The following CACNA1B variants were observed in gnomAD, a reference collection of about 807,000 sequenced individuals.
The protein encoded by CACNA1B is voltage-dependent N-type calcium channel subunit alpha-1B.
Under a neutral mutation model 247.2 loss-of-function variants are expected in CACNA1B, and 70 were observed. That is an observed-to-expected ratio of 0.28 (90% confidence interval 0.23 to 0.35). The LOEUF is 0.35. Ranked by LOEUF, CACNA1B falls within the 10% of genes least tolerant of loss-of-function variation. The pLI, the probability that CACNA1B is intolerant of heterozygous loss-of-function variation, is 1.00. For missense variants in CACNA1B, 2,367 were observed against 3,197.4 expected (o/e 0.74, Z 6.26); for synonymous variants, 1,231 against 1,294.4 (o/e 0.95, Z 1.05).
intron 39 of CACNA1B, among the ~76,000 whole-genome samples, chr9:138,112,107 C>A (rs548481305): frequency 7.3e-6 from 1 of 136,238 alleles, no homozygotes; most frequent in African/African-American, 2.6e-5. Flanking sequence ...CATGCACACA[C>A]GAACGTGCAG....
At chr9:138,074,176 G>A in intron 34 of CACNA1B, 110 bp downstream of exon 34, 1 of 816,722 alleles carries the variant, frequency 1.2e-6, no homozygotes, top group Non-Finnish European at 2.1e-6. Context: ...GATCCTTAGT[G>A]AACATTCTCT....
intron 3 of CACNA1B, among the ~76,000 whole-genome samples, chr9:137,908,735 A>G (rs751689705): frequency 4.0e-5 from 6 of 151,218 alleles, no homozygotes; most frequent in Non-Finnish European, 5.9e-5. Flanking sequence ...GGTTCACGCC[A>G]TTCTCCTGCC....
intron 36 of CACNA1B, among the ~76,000 whole-genome samples, chr9:138,096,003 C>T (rs937682563): frequency 3.9e-5 from 6 of 151,922 alleles, no homozygotes; most frequent in African/African-American, 1.2e-4. Flanking sequence ...TCGGGAACGA[C>T]GAAAAAAGTT....
At position 138,073,543 on chromosome 9, in the gene CACNA1B, A is replaced by G. The variant is rs1564272927; in HGVS notation, c.4730A>G (p.Lys1577Arg). The G allele has an allele frequency of 6.2e-7, 1 of 1,613,618 alleles. No homozygotes were observed. The highest frequency in any genetic ancestry group is 8.5e-7 in the Non-Finnish European group (1 of 1,179,668). ...CTCTTTCGAGCTGCGCGGCTGATCA[A>G]GCTGCTCCGCCAGGGCTACACCATC... ...LRLFRAARLI[K>R]LLRQGYTIRI... The change falls in exon 33 of 47, where the codon AAG (lysine) becomes AGG (arginine). Residue 1577 changes from lysine (K) to arginine (R), a missense_variant. This residue lies in a region of CACNA1B where 436 missense variants were observed against 679.5 expected (regional missense o/e 0.64). Transcript: ENST00000371372. The surrounding 1 kb of genome is among the most constrained non-coding windows in gnomAD (Gnocchi z 6.4).
chr9:138,026,991 TTA>T (rs1466867781), intron 20 of CACNA1B, among the ~76,000 whole-genome samples: 1 of 152,236 alleles, frequency 6.6e-6, no homozygotes, highest in African/African-American at 2.4e-5. Flanking sequence ...GATATCTTGT[TTA>T]TTTTGCAATT....
chr9:138,106,921 C>T (rs575524809), intron 39 of CACNA1B, among the ~76,000 whole-genome samples: 14 of 152,304 alleles, frequency 9.2e-5, no homozygotes, highest in South Asian at 2.1e-4. Flanking sequence ...CAGGCCTCCA[C>T]GTTGCTCGAC....
At chr9:137,931,120 C>G (rs377274391) in intron 6 of CACNA1B, among the ~76,000 whole-genome samples, 2 of 151,864 alleles carry the variant, frequency 1.3e-5, no homozygotes. Flanking sequence ...AGGTTCTTGG[C>G]GGTTTGAACA....
At position 138,102,668 on chromosome 9, in the gene CACNA1B, G is replaced by T; in HGVS notation, c.5223-43G>T. 8.0e-7 allele frequency: 1 copy of T among 1,248,746 alleles called. No individual in the cohort carries two copies. The highest frequency in any genetic ancestry group is 1.3e-5 in the South Asian group (1 of 77,618). 77.4% of individuals were successfully genotyped at this position (1,248,746 alleles called of 1,614,324 possible). A position where few individuals can be genotyped will look rare whatever the true frequency, so the allele number is the denominator to read the frequency against. On this transcript the variant is annotated intron_variant, in intron 37 of 46. Coordinates refer to ENST00000371372, the MANE Select transcript of CACNA1B (RefSeq NM_000718.4). The surrounding 1 kb of genome is among the most constrained non-coding windows in gnomAD (Gnocchi z 5.4). ...CCCTCCTGCTGCCGCTCCTCCTGTG[G>T]ACCACCCCACTGTGCCCTGGCCTCG... is the stretch of plus-strand genomic sequence containing the variant.
Position 138,023,454 on chromosome 9 carries a change from G to A in CACNA1B, c.2711G>A (p.Ser904Asn). Residue 904 changes from serine to asparagine, a missense_variant, in exon 19 of 47, where the codon AGC becomes AAC. Transcript: ENST00000371372. ...KEAAGPPEAR[S>N]ERGRGPGPEG... The stretch of plus-strand genomic sequence containing the variant: ...GCCGCGGGGCCCCCGGAGGCGCGGA[G>A]CGAGCGCGGCCGAGGCCCAGGCCCC... The A allele has an allele frequency of 8.2e-7, 1 of 1,217,582 alleles. No homozygotes were observed. The highest frequency in any genetic ancestry group is 3.7e-5 in the South Asian group (1 of 27,356). The allele number at this position is 1,217,582 out of a possible 1,614,324, so 75.4% of individuals were successfully genotyped here. A position where few individuals can be genotyped will look rare whatever the true frequency, so the allele number is the denominator to read the frequency against.
intron 10 of CACNA1B, among the ~76,000 whole-genome samples, chr9:137,958,358 A>G (rs1957973235): frequency 6.6e-6 from 1 of 152,198 alleles, no homozygotes; most frequent in Non-Finnish European, 1.5e-5. Context: ...CAGATAACAC[A>G]CACAAACACT....
intron 24 of CACNA1B, 81 bp downstream of exon 24, chr9:138,049,396 GC>G: frequency 1.1e-6 from 1 of 933,290 alleles, no homozygotes; most frequent in Non-Finnish European, 1.8e-6. Context: ...TAAGGAAGAG[GC>G]CCTCTTGTGG....
chr9:138,064,702 G>A (rs1959853523), intron 31 of CACNA1B, among the ~76,000 whole-genome samples: 1 of 152,174 alleles, frequency 6.6e-6, no homozygotes, highest in African/African-American at 2.4e-5. Flanking sequence ...AGGCCTCGCT[G>A]CCCACTGTGG....
At chr9:138,075,641 G>T (rs1458381975) in intron 34 of CACNA1B, among the ~76,000 whole-genome samples, 178 bp from the exon 35 acceptor site, 1 of 152,206 alleles carries the variant, frequency 6.6e-6, no homozygotes, top group African/African-American at 2.4e-5. Flanking sequence ...GCTACGGAGA[G>T]GGCGTCTATA....
chr9:138,102,736 T>G lies in CACNA1B; in HGVS notation c.5248T>G (p.Phe1750Val), dbSNP rs1244680687. 1 of 1,612,470 alleles carries G rather than the reference T, an allele frequency of 6.2e-7. No individual in the cohort carries two copies. The highest frequency in any genetic ancestry group is 1.3e-5 in the African/African-American group (1 of 74,928). The change falls in exon 38 of 47, where the codon TTT becomes GTT. Residue 1750 changes from phenylalanine (F) to valine (V), a missense_variant. Around this residue, in one of 12 missense-constraint regions of CACNA1B, gnomAD observed 55 missense variants for 107.8 expected, o/e 0.51. Transcript: ENST00000371372. The surrounding 1 kb of genome is among the most constrained non-coding windows in gnomAD (Gnocchi z 5.4). ...ACGRISYNDM[F>V]EMLKHMSPPL... ...TGGGCGCATCAGTTACAATGACATG[T>G]TTGAGATGCTGAAACACATGTCCCC...
At chr9:138,044,757 T>C (rs912748183) in intron 21 of CACNA1B, among the ~76,000 whole-genome samples, 2 of 152,212 alleles carry the variant, frequency 1.3e-5, no homozygotes, top group African/African-American at 4.8e-5. Context: ...TCGTTACCGA[T>C]CTGCCCATCC....
At position 137,954,821 on chromosome 9, in the gene CACNA1B, CAT is replaced by C. The variant is rs1957925124; in HGVS notation, c.1071-875_1071-874del. On this transcript the variant is annotated intron_variant, in intron 7 of 46. Coordinates refer to ENST00000371372, the MANE Select transcript of CACNA1B (RefSeq NM_000718.4). This position sits in a 1 kb window ranked among gnomAD's most constrained non-coding sequence, Gnocchi z 4.1. ...CACCGGGGCTGTGTGTGCTGGGAGT[CAT>C]ACCTGCCACACCCACTCCACCAACT... Among the ~76,000 whole-genome samples, 23 of 149,882 alleles carry C rather than the reference CAT, an allele frequency of 1.5e-4. No homozygotes were observed. Among genetic ancestry groups the C allele is most frequent in the Admixed American group, 1.4e-3 (21 of 15,136 alleles).
chr9:138,117,391 C>G (rs1243313060), intron 42 of CACNA1B, among the ~76,000 whole-genome samples: 13 of 152,146 alleles, frequency 8.5e-5, no homozygotes, highest in Non-Finnish European at 1.8e-4. Context: ...CCCCCTACCC[C>G]CCGTCCCAGC....
At chr9:138,062,944 G>A (rs943651677) in intron 31 of CACNA1B, among the ~76,000 whole-genome samples, 3 of 152,256 alleles carry the variant, frequency 2.0e-5, no homozygotes, top group African/African-American at 7.2e-5. Flanking sequence ...AGTGTGAGGT[G>A]CAATCACTAA....
In CACNA1B at chr9:138,121,680, A is replaced by T. The variant is rs1406135576; in HGVS notation, c.6701A>T (p.Glu2234Val). The part of the protein sequence containing the change: ...SPGRLSRGLS[E>V]HNALLQRDPL... The stretch of plus-strand genomic sequence containing the variant: ...GGCCGGCTCAGCCGTGGGCTTTCCG[A>T]ACACAACGCCCTGCTGCAGAGAGAC... The change falls in exon 47 of 47, where the codon GAA (glutamate) becomes GTA (valine). Residue 2234 changes from glutamate (E) to valine (V), a missense_variant. This residue lies in a region of CACNA1B where 773 missense variants were observed against 779.4 expected (regional missense o/e 0.99). Transcript: ENST00000371372. The surrounding 1 kb of genome is among the most constrained non-coding windows in gnomAD (Gnocchi z 6.8). 1 of 1,612,794 alleles carries T rather than the reference A, an allele frequency of 6.2e-7. No homozygotes were observed. Among genetic ancestry groups the T allele is most frequent in the Admixed American group, 1.7e-5 (1 of 59,978 alleles).
Sources: gnomAD v4.1 joint callset for allele counts (sites outside exome capture counted in the v4.1 genomes callset) on GRCh38, gnomAD v4.1.1 for gene constraint, gnomAD v4.1.1 regional missense constraint, Gnocchi (gnomAD v3.1) non-coding constraint, MANE v1.5 for transcripts, NCBI Gene and HGNC (gene_info 2026-07-23, HGNC 2026-07-21) for gene names.